The following WNK3 variants were observed in gnomAD, a reference collection of about 807,000 sequenced individuals.
WNK3 encodes the protein serine/threonine-protein kinase WNK3.
Under a neutral mutation model 116.7 loss-of-function variants are expected in WNK3, and 18 were observed. That is an observed-to-expected ratio of 0.15 (90% CI 0.11 to 0.23). The LOEUF (loss-of-function observed/expected upper bound fraction) is 0.23, where lower values mean the gene tolerates loss of function less well. Among genes scored for constraint, WNK3 ranks in the 10% least tolerant of loss-of-function variants. The probability of loss-of-function intolerance (pLI) is 1.00; values close to 1 mark genes in which losing one functional copy is unlikely to be tolerated. For synonymous variants in WNK3, 404 were observed against 469.4 expected (o/e 0.86, Z 1.80); for missense variants, 993 against 1,323.8 (o/e 0.75, Z 3.88).
intron 2 of WNK3, among the ~76,000 whole-genome samples, chrX:54,325,776 T>C (rs2069096288): frequency 9.5e-6 from 1 of 105,050 alleles, no homozygotes; most frequent in African/African-American, 3.5e-5. Context: ...CAACTCATCA[T>C]AGAGCAAAAA....
At chrX:54,215,277 C>G (rs1005313604) in intron 22 of WNK3, among the ~76,000 whole-genome samples, 1 of 111,306 alleles carries the variant, frequency 9.0e-6, no homozygotes, top group Non-Finnish European at 1.9e-5. Flanking sequence ...TCTTGGCTCA[C>G]GGCAACCTCC....
intron 20 of WNK3, among the ~76,000 whole-genome samples, chrX:54,234,155 C>G (rs1298968377): frequency 3.6e-5 from 4 of 111,160 alleles, no homozygotes; most frequent in Non-Finnish European, 7.5e-5. Flanking sequence ...AGGAGGATGG[C>G]CTGAGGCTAG....
chrX:54,301,213 A>G (rs2068754003), intron 6 of WNK3, among the ~76,000 whole-genome samples: 1 of 102,709 alleles, frequency 9.7e-6, no homozygotes, highest in African/African-American at 3.6e-5. Context: ...ACTGCACTTC[A>G]GCCTGGGTAA....
chrX:54,278,476 T>C (rs1410888131), intron 10 of WNK3, among the ~76,000 whole-genome samples: 1 of 109,646 alleles, frequency 9.1e-6, no homozygotes, highest in Non-Finnish European at 1.9e-5. Flanking sequence ...CACTACCCAA[T>C]ATTAAGGCTT....
intron 22 of WNK3, among the ~76,000 whole-genome samples, chrX:54,213,307 C>G (rs1428638328): frequency 9.2e-6 from 1 of 108,939 alleles, no homozygotes; most frequent in African/African-American, 3.4e-5. Flanking sequence ...GTAATCCCAG[C>G]ACTTTGGGAG....
At chrX:54,222,253 A>T (rs1241857211) in intron 22 of WNK3, among the ~76,000 whole-genome samples, 1 of 111,280 alleles carries the variant, frequency 9.0e-6, no homozygotes, top group South Asian at 3.8e-4. Context: ...GAAAAATATA[A>T]GAAAAGAATA....
chrX:54,198,658 G>A lies in WNK3; in HGVS notation c.5074-5C>T. 8.8e-7 allele frequency: 1 copy of A among 1,136,942 alleles called. No individual in the cohort carries two copies. Among genetic ancestry groups the A allele is most frequent in the Non-Finnish European group, 1.2e-6 (1 of 853,139 alleles). 93.7% of individuals were successfully genotyped at this position (1,136,942 alleles called of 1,213,427 possible). On this transcript the variant is annotated splice_polypyrimidine_tract_variant and splice_region_variant and intron_variant, in intron 23 of 23. Transcript: ENST00000354646. ...GCCCATAGTAGACGGAGTATTCTAA[G>A]AAAAACAAAAATAAAAACAAAAGAT...
At chrX:54,240,609 T>A (rs2068012692) in intron 17 of WNK3, among the ~76,000 whole-genome samples, 1 of 111,839 alleles carries the variant, frequency 8.9e-6, no homozygotes, top group African/African-American at 3.3e-5. Flanking sequence ...GACACATGCA[T>A]ATATGACTGA....
intron 1 of WNK3, among the ~76,000 whole-genome samples, chrX:54,341,464 A>G: frequency 9.0e-6 from 1 of 110,986 alleles, no homozygotes; most frequent in African/African-American, 3.3e-5. Context: ...ACACACCTAT[A>G]ATCTCAGTTA....
At chrX:54,264,423 T>C (rs1000860715) in intron 10 of WNK3, among the ~76,000 whole-genome samples, 1 of 109,800 alleles carries the variant, frequency 9.1e-6, no homozygotes, top group African/African-American at 3.3e-5. Context: ...GCCTTGACCT[T>C]CCAGAGTGCT....
chrX:54,234,907 T>C (rs919197359), intron 20 of WNK3, among the ~76,000 whole-genome samples: 8 of 111,708 alleles, frequency 7.2e-5, no homozygotes, highest in Admixed American at 2.9e-4. Flanking sequence ...GAAACTGCTT[T>C]AATAACTTTT....
At position 54,357,092 on chromosome X, in the gene WNK3, C is replaced by T. The variant is rs188650835; in HGVS notation, c.-120+594G>A. On this transcript the variant is annotated intron_variant, in intron 1 of 23. Coordinates refer to ENST00000354646, the Ensembl canonical transcript of WNK3. ...ATTTACACAAGCCAGCAATATTTCT[C>T]ACCCCATCCTGTCCCTCACACATCA... 8.1e-5 allele frequency among the ~76,000 whole-genome samples: 9 copies of T among 110,856 alleles called. No individual in the cohort carries two copies. The East Asian group carries it at 2.0e-3, about 25-fold the overall frequency.
chrX:54,318,508 T>A (rs1167742110), intron 2 of WNK3, among the ~76,000 whole-genome samples: 3 of 110,469 alleles, frequency 2.7e-5, no homozygotes, highest in Non-Finnish European at 5.7e-5. Flanking sequence ...AGGAAGGAGT[T>A]CAAGACCAGC....
intron 20 of WNK3, 46 bp from the exon 21 acceptor site, chrX:54,233,066 T>C (rs1338815656): frequency 9.8e-7 from 1 of 1,017,621 alleles, no homozygotes; most frequent in Non-Finnish European, 1.4e-6. Flanking sequence ...ACTGGCTCCA[T>C]AAAGATGAGC....
intron 3 of WNK3, among the ~76,000 whole-genome samples, chrX:54,309,739 C>G (rs1013048480): frequency 9.0e-6 from 1 of 111,693 alleles, no homozygotes; most frequent in Non-Finnish European, 1.9e-5. Context: ...ACCATGTGGG[C>G]CAGGCTGGTC....
At chrX:54,259,136 ACT>A in intron 11 of WNK3, 136 bp downstream of exon 11, 3 of 320,920 alleles carry the variant, frequency 9.3e-6, no homozygotes, top group Admixed American at 5.9e-5. Context: ...AAAAAAAAAA[ACT>A]ATCGTCTTTA....
chrX:54,243,170 C>G (rs1197661938), intron 17 of WNK3, among the ~76,000 whole-genome samples: 2 of 107,809 alleles, frequency 1.9e-5, no homozygotes, highest in Non-Finnish European at 3.8e-5. Context: ...AATTCCAGCA[C>G]TCTGGGAGGC....
chrX:54,280,530 C>T (rs1557162155), intron 10 of WNK3, among the ~76,000 whole-genome samples: 2 of 111,227 alleles, frequency 1.8e-5, no homozygotes, highest in Admixed American at 9.6e-5. Flanking sequence ...TTTATAATAA[C>T]AACAAAAATA....
At chrX:54,339,554 T>A (rs990498144) in intron 1 of WNK3, among the ~76,000 whole-genome samples, 1 of 111,704 alleles carries the variant, frequency 9.0e-6, no homozygotes, top group African/African-American at 3.2e-5. Flanking sequence ...TATAGGTCAA[T>A]AGAACTGAGA....
Sources: gnomAD v4.1 joint callset for allele counts (sites outside exome capture counted in the v4.1 genomes callset) on GRCh38, gnomAD v4.1.1 for gene constraint, MANE v1.5 for transcripts, NCBI Gene and HGNC (gene_info 2026-07-23, HGNC 2026-07-21) for gene names.